Variants in TBC1D5 observed in about 807,000 individuals in gnomAD.
The protein encoded by TBC1D5 is TBC1 domain family member 5.
Under a neutral mutation model 100.3 loss-of-function variants are expected in TBC1D5, and 75 were observed. The observed-to-expected ratio is 0.75, with a 90% CI of 0.62 to 0.91. TBC1D5 has a LOEUF of 0.91. Among genes scored for constraint, TBC1D5 ranks in the 40% least tolerant of loss-of-function variants. The probability of loss-of-function intolerance (pLI) is 0.00; values close to 1 mark genes in which losing one functional copy is unlikely to be tolerated. For synonymous variants in TBC1D5, 323 were observed against 325.6 expected, an observed-to-expected ratio of 0.99 and a Z score of 0.09; for missense variants, 910 against 942.4, an observed-to-expected ratio of 0.97 and a Z score of 0.45.
intron 14 of TBC1D5, among the ~76,000 whole-genome samples, chr3:17,297,558 A>G (rs1259889562): frequency 6.7e-6 from 1 of 150,196 alleles, no homozygotes; most frequent in Admixed American, 6.6e-5. Flanking sequence ...CCTGGGTGAC[A>G]GAGCGAGACT....
chr3:17,628,467 C>G (rs749220295), intron 1 of TBC1D5, among the ~76,000 whole-genome samples: 11 of 151,902 alleles, frequency 7.2e-5, no homozygotes, highest in Non-Finnish European at 1.6e-4. Context: ...CCACCCTCTC[C>G]CCCCACTTCA....
At chr3:17,487,854 C>T (rs940132089) in intron 3 of TBC1D5, among the ~76,000 whole-genome samples, 2 of 152,046 alleles carry the variant, frequency 1.3e-5, no homozygotes, top group African/African-American at 4.8e-5. Context: ...TTTGAGCTTA[C>T]AGAAAAACTG....
chr3:17,498,503 T>C (rs1220441464), intron 3 of TBC1D5, among the ~76,000 whole-genome samples: 1 of 152,180 alleles, frequency 6.6e-6, no homozygotes, highest in Non-Finnish European at 1.5e-5. Context: ...AGAATCATTG[T>C]GGAAACATTT....
At chr3:17,187,231 T>C (rs2069245609) in intron 18 of TBC1D5, among the ~76,000 whole-genome samples, 1 of 152,210 alleles carries the variant, frequency 6.6e-6, no homozygotes, top group Non-Finnish European at 1.5e-5. Context: ...TGTCCTTGAA[T>C]CTGGACTGGC....
At position 17,572,727 on chromosome 3, in the gene TBC1D5, T is replaced by C. The variant is rs2153511983; in HGVS notation, c.-36+51122A>G. 1.3e-5 allele frequency among the ~76,000 whole-genome samples: 2 copies of C among 152,242 alleles called. 1 individual carries two copies. Among genetic ancestry groups the C allele is most frequent in the South Asian group, 4.1e-4 (2 of 4,832 alleles). ...ACGACCACTTTTGGCACTTCACTTC[T>C]GACCCCTCTATTTATCACACTGTCG... On this transcript the variant is annotated intron_variant, in intron 2 of 21. Transcript: ENST00000253692.
chr3:17,573,517 G>T (rs1446861932), intron 2 of TBC1D5, among the ~76,000 whole-genome samples: 1 of 151,480 alleles, frequency 6.6e-6, no homozygotes, highest in Admixed American at 6.6e-5. Flanking sequence ...GAAAAAAAAA[G>T]CCCAAATTTC....
intron 19 of TBC1D5, 41 bp downstream of exon 20, chr3:17,185,068 G>A (rs1210934641): frequency 1.3e-6 from 2 of 1,568,222 alleles, no homozygotes; most frequent in Admixed American, 3.4e-5. Flanking sequence ...CTATTATTGT[G>A]ATGAGTCTCA....
At chr3:17,503,880 C>A (rs938436626) in intron 3 of TBC1D5, among the ~76,000 whole-genome samples, 5 of 149,534 alleles carry the variant, frequency 3.3e-5, no homozygotes, top group Non-Finnish European at 5.9e-5. Context: ...CATAACTTGA[C>A]ATTTATTTGC....
intron 3 of TBC1D5, among the ~76,000 whole-genome samples, chr3:17,442,035 G>C (rs1190251614): frequency 6.6e-6 from 1 of 152,244 alleles, no homozygotes; most frequent in East Asian, 1.9e-4. Context: ...TAAATAACAG[G>C]AGGCATATTG....
At chr3:17,406,508 T>C in exon 5 of TBC1D5, 1 of 1,612,076 alleles carries the variant, frequency 6.2e-7, no homozygotes, top group Non-Finnish European at 8.5e-7. Flanking sequence ...TGTTTACAAA[T>C]AGTTCTTCCC....
intron 13 of TBC1D5, among the ~76,000 whole-genome samples, chr3:17,351,893 T>A (rs1026166230): frequency 6.6e-6 from 1 of 150,484 alleles, no homozygotes; most frequent in East Asian, 1.9e-4. Flanking sequence ...TGGCTAAATA[T>A]GGTAAGGGCA....
intron 18 of TBC1D5, among the ~76,000 whole-genome samples, chr3:17,212,132 C>G (rs540304549): frequency 6.6e-6 from 1 of 152,262 alleles, no homozygotes; most frequent in African/African-American, 2.4e-5. Flanking sequence ...AGATCCTTTT[C>G]TGTATTACCT....
At chr3:17,295,243 C>T (rs1341903266) in intron 14 of TBC1D5, among the ~76,000 whole-genome samples, 1 of 152,144 alleles carries the variant, frequency 6.6e-6, no homozygotes, top group Non-Finnish European at 1.5e-5. Context: ...GATCACTGGC[C>T]TAGTCACTTA....
chr3:17,335,295 T>C (rs1052865730), intron 13 of TBC1D5, among the ~76,000 whole-genome samples: 25 of 152,114 alleles, frequency 1.6e-4, no homozygotes, highest in African/African-American at 6.0e-4. Context: ...AGATAATTAT[T>C]ATTAACAGGA....
At chr3:17,352,180 T>G (rs1002956360) in intron 13 of TBC1D5, among the ~76,000 whole-genome samples, 4 of 152,146 alleles carry the variant, frequency 2.6e-5, no homozygotes, top group African/African-American at 9.7e-5. Context: ...TATAAATATG[T>G]ATACATACAT....
intron 1 of TBC1D5, among the ~76,000 whole-genome samples, chr3:17,657,251 G>A (rs991051146): frequency 8.6e-5 from 13 of 151,246 alleles, no homozygotes; most frequent in Non-Finnish European, 1.9e-4. Context: ...GCTGGGGTAA[G>A]TACTACCAAC....
intron 1 of TBC1D5, among the ~76,000 whole-genome samples, chr3:17,647,745 T>C (rs1224859769): frequency 6.6e-6 from 1 of 152,026 alleles, no homozygotes; most frequent in Non-Finnish European, 1.5e-5. Context: ...ATGAGCAAAA[T>C]AAGGACAACA....
At chr3:17,168,868 G>C (rs768853913) in intron 19 of TBC1D5, among the ~76,000 whole-genome samples, 3 of 152,046 alleles carry the variant, frequency 2.0e-5, no homozygotes, top group Non-Finnish European at 4.4e-5. Context: ...GTTGCTACGG[G>C]ACTCCTAGAT....
chr3:17,372,265 G>A lies in TBC1D5; in HGVS notation c.823-18C>T. 1 of 1,585,356 alleles carries A rather than the reference G, an allele frequency of 6.3e-7. No homozygotes were observed. Among genetic ancestry groups the A allele is most frequent in the South Asian group, 1.2e-5 (1 of 85,042 alleles). ...TCTTTCCCCTAAAAACAGAAAAATT[G>A]AACATGTATTATTTAAATATGAAAT... is the stretch of plus-strand genomic sequence containing the variant. On this transcript the variant is annotated intron_variant, in intron 12 of 21. Coordinates refer to ENST00000253692, the Ensembl canonical transcript of TBC1D5.
Sources: allele counts gnomAD v4.1 joint callset (sites outside exome capture counted in the v4.1 genomes callset), GRCh38; gene constraint gnomAD v4.1.1; transcripts MANE v1.5; gene names NCBI Gene and HGNC (gene_info 2026-07-23, HGNC 2026-07-21).